The following ODF2 variants were observed in gnomAD, a reference collection of about 807,000 sequenced individuals.
ODF2 encodes outer dense fiber of sperm tails 2.
A neutral mutation model predicts 110.2 loss-of-function variants in ODF2; 47 were observed. The observed-to-expected ratio is 0.43, with a 90% CI of 0.34 to 0.54. The LOEUF (loss-of-function observed/expected upper bound fraction) is 0.54, where lower values mean the gene tolerates loss of function less well. ODF2 is among the 20% of genes least tolerant of loss of function. The pLI, the probability that ODF2 is intolerant of heterozygous loss-of-function variation, is 0.03. For missense variants in ODF2, 812 were observed against 1,054.5 expected, an observed-to-expected ratio of 0.77 and a Z score of 3.19; for synonymous variants, 352 against 397.7, an observed-to-expected ratio of 0.89 and a Z score of 1.37.
chr9:128,486,862 TG>T (rs1843460020), intron 13 of ODF2, among the ~76,000 whole-genome samples: 1 of 152,202 alleles, frequency 6.6e-6, no homozygotes, highest in African/African-American at 2.4e-5. Flanking sequence ...AGGGCCCTGC[TG>T]GAGAGGAATG....
At chr9:128,492,621 A>G (rs1844827188) in intron 15 of ODF2, 80 bp from the exon 16 acceptor site, 1 of 1,530,350 alleles carries the variant, frequency 6.5e-7, no homozygotes, top group Non-Finnish European at 9.0e-7. Flanking sequence ...GGCCACTCCC[A>G]GGGAGGGTTG....
intron 14 of ODF2, among the ~76,000 whole-genome samples, chr9:128,489,172 TGA>T (rs1265265386): frequency 1.6e-4 from 24 of 152,086 alleles, no homozygotes; most frequent in Admixed American, 1.6e-3. Context: ...CTGCCAGGAG[TGA>T]GAGGCACCTG....
At chr9:128,487,995 C>T (rs143590974) in exon 14 of ODF2, 86 of 1,613,838 alleles carry the variant, frequency 5.3e-5, no homozygotes, top group Admixed American at 2.0e-4. Context: ...CTGAGTATTC[C>T]GCATTCAAGC....
chr9:128,491,866 CTTTT>C (rs753406341), intron 14 of ODF2, among the ~76,000 whole-genome samples: 3 of 130,936 alleles, frequency 2.3e-5, no homozygotes, highest in Non-Finnish European at 5.0e-5. Context: ...TCCCCATTTT[CTTTT>C]TTTTTTTTTT....
exon 2 of ODF2, chr9:128,457,408 G>T (rs766234085): frequency 1.2e-6 from 2 of 1,613,086 alleles, no homozygotes; most frequent in South Asian, 1.1e-5. Context: ...GCCTAGCCAT[G>T]TCTGCCTCAT....
chr9:128,477,573 G>C (rs1163270389), intron 8 of ODF2, among the ~76,000 whole-genome samples: 8 of 151,752 alleles, frequency 5.3e-5, no homozygotes. Context: ...TATATAACAA[G>C]TAATGTAAAG....
chr9:128,477,167 A>C (rs1841457812), intron 8 of ODF2, among the ~76,000 whole-genome samples: 1 of 145,844 alleles, frequency 6.9e-6, no homozygotes, highest in Non-Finnish European at 1.5e-5. Flanking sequence ...AGGAGGGGGG[A>C]AGTTGCAGTG....
At position 128,482,704 on chromosome 9, in the gene ODF2, T is replaced by C. The variant is rs1278822744; in HGVS notation, c.916-112T>C. The C allele has an allele frequency of 6.1e-6, 4 of 652,498 alleles. No individual in the cohort carries two copies. In the East Asian group the frequency reaches 1.1e-4, roughly 18 times the overall value. 40.4% of individuals were successfully genotyped at this position (652,498 alleles called of 1,614,324 possible). On this transcript the variant is annotated intron_variant, in intron 9 of 20. Transcript: ENST00000604420. ...TACCAGAATCTCTGACATGGGCCAATGTATGTAGGACCTTGGGCCCCAGTG... is the reference window on the plus strand; with the variant it reads ...TACCAGAATCTCTGACATGGGCCAACGTATGTAGGACCTTGGGCCCCAGTG...
In ODF2 at chr9:128,469,331, C is replaced by T. The variant is rs754877415; in HGVS notation, c.398C>T (p.Ala133Val). The T allele has an allele frequency of 7.3e-5, 118 of 1,613,916 alleles. No homozygotes were observed. Among genetic ancestry groups the T allele is most frequent in the Admixed American group, 1.2e-4 (7 of 60,006 alleles). ...AAGAAGATTGATAGTCTAATGAATG[C>T]GGTTGGTTGTCTGAAGTCTGAGGTG... The change falls in exon 5 of 21, where the codon GCG becomes GTG. Residue 133 changes from alanine (A) to valine (V), a missense_variant. Physicochemically the swap from Ala to Val is moderately conservative, Grantham distance 64 (BLOSUM62 0). This residue lies in a region of ODF2 where 219 missense variants were observed against 321.3 expected (regional missense o/e 0.68). Coordinates refer to ENST00000604420, the Ensembl canonical transcript of ODF2.
rs1228083257 is a variant in ODF2 at position 128,460,491 on chromosome 9, T to C, written c.124-451T>C. On this transcript the variant is annotated intron_variant, in intron 3 of 20. Transcript: ENST00000604420. The stretch of plus-strand genomic sequence containing the variant: ...CCAGAGGCTGTGAGCTCTGTTTTTA[T>C]GCCCAGTTTACTCATCCACAGATCA... 7.5e-6 allele frequency: 12 copies of C among 1,593,900 alleles called. No homozygotes were observed. In the Admixed American group the frequency reaches 1.1e-4, roughly 14 times the overall value.
intron 16 of ODF2, 150 bp downstream of exon 16, chr9:128,492,955 AC>A (rs1844881065): frequency 1.7e-6 from 1 of 601,060 alleles, no homozygotes; most frequent in Admixed American, 3.0e-5. Flanking sequence ...CATCCACTCT[AC>A]CCTGTGCCTC....
intron 1 of ODF2, 83 bp downstream of exon 1, chr9:128,456,338 C>A: frequency 6.9e-7 from 1 of 1,448,084 alleles, no homozygotes; most frequent in South Asian, 1.5e-5. Context: ...CCGGCGCGGT[C>A]GACCCCGCGG....
chr9:128,463,317 C>T (rs1474302711), intron 4 of ODF2, among the ~76,000 whole-genome samples: 1 of 151,948 alleles, frequency 6.6e-6, no homozygotes, highest in Non-Finnish European at 1.5e-5. Context: ...ACCATGCAGC[C>T]TTGCAAAGAC....
chr9:128,474,814 A>G (rs1024337824), intron 8 of ODF2, among the ~76,000 whole-genome samples: 1 of 149,830 alleles, frequency 6.7e-6, no homozygotes, highest in Admixed American at 6.7e-5. Context: ...AAATACAAAA[A>G]TGAGCCTGGC....
In ODF2 at chr9:128,487,793, C is replaced by G. The variant is rs941021416; in HGVS notation, c.1401-97C>G. 18 of 1,308,564 alleles carry G rather than the reference C, an allele frequency of 1.4e-5. 1 individual carries two copies. In the Admixed American group the frequency reaches 3.1e-4, roughly 23 times the overall value. The allele number at this position is 1,308,564 out of a possible 1,614,324, so 81.1% of individuals were successfully genotyped here. On this transcript the variant is annotated intron_variant, in intron 13 of 20. Coordinates refer to ENST00000604420, the Ensembl canonical transcript of ODF2. ...CAGAGCGAGACTCCGTCTAAAAAAACAAACAAACAAAACACACACACACAC... is the reference window on the plus strand; with the variant it reads ...CAGAGCGAGACTCCGTCTAAAAAAAGAAACAAACAAAACACACACACACAC...
intron 8 of ODF2, 133 bp from the exon 9 acceptor site, chr9:128,481,447 A>C (rs1219667708): frequency 8.3e-6 from 5 of 602,446 alleles, no homozygotes; most frequent in Non-Finnish European, 1.4e-5. Context: ...ACTGCACTCC[A>C]GCCTGGGCAA....
At chr9:128,463,421 C>G (rs1837017971) in intron 4 of ODF2, among the ~76,000 whole-genome samples, 1 of 151,938 alleles carries the variant, frequency 6.6e-6, no homozygotes, top group African/African-American at 2.4e-5. Context: ...GAGTTCAAGA[C>G]CAGCCTGGGC....
At chr9:128,482,526 ATC>A in intron 9 of ODF2, among the ~76,000 whole-genome samples, 1 of 152,120 alleles carries the variant, frequency 6.6e-6, no homozygotes, top group East Asian at 1.9e-4. Context: ...TTAACTGGTT[ATC>A]TCTGCATGGG....
chr9:128,462,070 G>C (rs1398271855), intron 4 of ODF2, among the ~76,000 whole-genome samples: 1 of 151,512 alleles, frequency 6.6e-6, no homozygotes, highest in Non-Finnish European at 1.5e-5. Context: ...AAAACAATGA[G>C]CTTTTTTCTT....
Sources: gnomAD v4.1 joint callset for allele counts (sites outside exome capture counted in the v4.1 genomes callset) on GRCh38, gnomAD v4.1.1 for gene constraint, gnomAD v4.1.1 regional missense constraint, MANE v1.5 for transcripts, NCBI Gene and HGNC (gene_info 2026-07-23, HGNC 2026-07-21) for gene names.